TEKT5: variants seen among roughly 807,000 people sequenced by gnomAD.
The protein encoded by TEKT5 is tektin-5.
TEKT5 carries 52 observed loss-of-function variants against 48.7 expected under a neutral mutation model. The observed-to-expected ratio is 1.07, with a 90% CI of 0.86 to 1.35. The LOEUF (loss-of-function observed/expected upper bound fraction) is 1.35. TEKT5 is among the 40% of genes most tolerant of loss of function. TEKT5 has a pLI of 0.00. For synonymous variants in TEKT5, 318 were observed against 267.6 expected (o/e 1.19, Z -1.84); for missense variants, 831 against 641.6 (o/e 1.30, Z -3.19).
At chr16:10,675,799 C>T (rs547715846) in intron 5 of TEKT5, among the ~76,000 whole-genome samples, 160 bp downstream of exon 5, 2 of 152,300 alleles carry the variant, frequency 1.3e-5, no homozygotes, top group South Asian at 4.1e-4. Context: ...AAGCTCAGCC[C>T]TTGGCCCCTT....
intron 5 of TEKT5, among the ~76,000 whole-genome samples, chr16:10,670,211 T>G (rs1347966479): frequency 6.6e-6 from 1 of 152,206 alleles, no homozygotes; most frequent in Non-Finnish European, 1.5e-5. Context: ...TAAGCTCAAC[T>G]AATAACAGTT....
At chr16:10,667,784 A>T (rs1414669691) in intron 5 of TEKT5, among the ~76,000 whole-genome samples, 2 of 152,228 alleles carry the variant, frequency 1.3e-5, no homozygotes, top group African/African-American at 2.4e-5. Context: ...TTTGAAATGA[A>T]ATCTTTAAAT....
At chr16:10,682,959 C>T (rs971363112) in intron 3 of TEKT5, among the ~76,000 whole-genome samples, 4 of 152,052 alleles carry the variant, frequency 2.6e-5, no homozygotes, top group African/African-American at 7.3e-5. Context: ...AGGGATGAGA[C>T]GCAAATAAGA....
At chr16:10,679,986 G>C (rs752408829) in intron 4 of TEKT5, among the ~76,000 whole-genome samples, 4 of 152,234 alleles carry the variant, frequency 2.6e-5, no homozygotes, top group Non-Finnish European at 4.4e-5. Flanking sequence ...GCTACAAACA[G>C]CAGCTCTCTT....
At chr16:10,657,782 A>G (rs1348981669) in intron 5 of TEKT5, among the ~76,000 whole-genome samples, 1 of 131,338 alleles carries the variant, frequency 7.6e-6, no homozygotes, top group East Asian at 2.2e-4. Flanking sequence ...TTGTATCTTT[A>G]GTAGAGACAG....
intron 4 of TEKT5, among the ~76,000 whole-genome samples, chr16:10,679,423 C>T (rs1316087077): frequency 3.3e-5 from 5 of 149,678 alleles, no homozygotes; most frequent in African/African-American, 4.9e-5. Context: ...TGCCACTGCG[C>T]TCTGGCCTGG....
chr16:10,651,928 C>T (rs182530758), intron 5 of TEKT5, among the ~76,000 whole-genome samples: 253 of 152,242 alleles, frequency 1.7e-3, no homozygotes, highest in African/African-American at 5.9e-3. Flanking sequence ...CACTACTGCA[C>T]TCCAGCCTGG....
intron 5 of TEKT5, among the ~76,000 whole-genome samples, chr16:10,658,616 G>T (rs190977074): frequency 1.3e-5 from 2 of 152,118 alleles, no homozygotes; most frequent in Non-Finnish European, 2.9e-5. Flanking sequence ...GGTGGTATGA[G>T]GGGGGCTCCT....
At chr16:10,667,321 A>G (rs555411693) in intron 5 of TEKT5, among the ~76,000 whole-genome samples, 11 of 152,260 alleles carry the variant, frequency 7.2e-5, no homozygotes, top group Admixed American at 1.3e-4. Flanking sequence ...TCCCCTACAC[A>G]GTGAACTGTA....
At chr16:10,639,626 C>A (rs1239780767) in intron 5 of TEKT5, among the ~76,000 whole-genome samples, 1 of 152,226 alleles carries the variant, frequency 6.6e-6, no homozygotes, top group South Asian at 2.1e-4. Flanking sequence ...TCAGCTATTC[C>A]AGTGCTCACA....
chr16:10,682,054 T>G lies in TEKT5; in HGVS notation c.802A>C (p.Asn268His), dbSNP rs1406790444. The change falls in exon 4 of 7, where the codon AAC becomes CAC. Residue 268 changes from asparagine (N) to histidine (H), a missense_variant. Coordinates refer to ENST00000283025, the MANE Select transcript of TEKT5 (RefSeq NM_144674.2). ...SAQCIDEKCFNLRNTSDCISF... is the reference protein window; with the variant it reads ...SAQCIDEKCFHLRNTSDCISF... Reference sequence around the variant, plus strand: ...ATGCAGTCTGACGTATTTCTCAGGTTAAAGCACTTCTCATCGATACACTGG... The same window carrying G: ...ATGCAGTCTGACGTATTTCTCAGGTGAAAGCACTTCTCATCGATACACTGG... The G allele has an allele frequency of 1.2e-6, 2 of 1,614,208 alleles. No individual in the cohort carries two copies. The highest frequency in any genetic ancestry group is 8.5e-7 in the Non-Finnish European group (1 of 1,180,028).
intron 2 of TEKT5, among the ~76,000 whole-genome samples, chr16:10,689,667 T>C (rs1216361198): frequency 6.6e-6 from 1 of 152,022 alleles, no homozygotes; most frequent in African/African-American, 2.4e-5. Flanking sequence ...GCCTATGACA[T>C]ATAGTAGGTG....
intron 6 of TEKT5, among the ~76,000 whole-genome samples, chr16:10,633,043 C>T (rs1269928457): frequency 6.6e-6 from 1 of 152,198 alleles, no homozygotes; most frequent in East Asian, 1.9e-4. Context: ...CCAGGCAACT[C>T]CCCCAGAAGC....
At chr16:10,628,092 T>C (rs1567222487) in intron 6 of TEKT5, among the ~76,000 whole-genome samples, 1 of 152,108 alleles carries the variant, frequency 6.6e-6, no homozygotes, top group Non-Finnish European at 1.5e-5. Context: ...TTGATCCACT[T>C]GCCTTGGCCT....
In TEKT5 at chr16:10,670,278, G is replaced by A. The variant is rs143273162; in HGVS notation, c.1086+5681C>T. On this transcript the variant is annotated intron_variant, in intron 5 of 6. Coordinates refer to ENST00000283025, the MANE Select transcript of TEKT5 (RefSeq NM_144674.2). Reference sequence around the variant, plus strand: ...ACGGTGGCTCAAGCCTGTAATCCCAGCACTGTGGCAGGCCAAGGCGGGTGG... The same window carrying A: ...ACGGTGGCTCAAGCCTGTAATCCCAACACTGTGGCAGGCCAAGGCGGGTGG... Among the ~76,000 whole-genome samples, 1,311 of 152,296 alleles carry A rather than the reference G, an allele frequency of 8.6e-3. 22 individuals are homozygous for A. The highest frequency in any genetic ancestry group is 0.03 in the African/African-American group (1,244 of 41,572).
chr16:10,636,516 A>G (rs768167618), intron 5 of TEKT5, among the ~76,000 whole-genome samples: 27 of 152,132 alleles, frequency 1.8e-4, no homozygotes, highest in African/African-American at 6.5e-4. Flanking sequence ...GTTGCCAATC[A>G]GTGCTCAGCA....
intron 5 of TEKT5, among the ~76,000 whole-genome samples, chr16:10,660,789 C>T (rs1484477521): frequency 2.6e-5 from 4 of 151,996 alleles, no homozygotes; most frequent in Non-Finnish European, 5.9e-5. Flanking sequence ...TAACCTCCAC[C>T]TCCTGGGTTC....
chr16:10,635,977 G>A, intron 5 of TEKT5, 59 bp from the exon 6 acceptor site: 1 of 1,587,438 alleles, frequency 6.3e-7, no homozygotes, highest in Non-Finnish European at 8.6e-7. Flanking sequence ...CCTCTGACTG[G>A]GGGCCTGGGG....
At chr16:10,663,032 A>G (rs570481696) in intron 5 of TEKT5, among the ~76,000 whole-genome samples, 96 of 151,892 alleles carry the variant, frequency 6.3e-4, no homozygotes, top group Admixed American at 2.0e-3. Flanking sequence ...GCAAATCTCC[A>G]CTCCATCCAC....
Sources: gnomAD v4.1 joint callset for allele counts (sites outside exome capture counted in the v4.1 genomes callset) on GRCh38, gnomAD v4.1.1 for gene constraint, MANE v1.5 for transcripts, NCBI Gene and HGNC (gene_info 2026-07-23, HGNC 2026-07-21) for gene names.